Variants in PDE4D observed in about 807,000 individuals in gnomAD.
PDE4D encodes phosphodiesterase 4D, also known as 3',5'-cyclic-AMP phosphodiesterase 4D.
PDE4D carries 24 observed loss-of-function variants against 87.4 expected under a neutral mutation model. The observed-to-expected ratio is 0.27, with a 90% CI of 0.20 to 0.39. The LOEUF is 0.39. Among genes scored for constraint, PDE4D ranks in the 10% least tolerant of loss-of-function variants. The pLI is 1.00. For synonymous variants in PDE4D, 384 were observed against 383.2 expected (o/e 1.00, Z -0.02); for missense variants, 714 against 1,041.0 (o/e 0.69, Z 4.32).
intron 2 of PDE4D, among the ~76,000 whole-genome samples, chr5:60,140,098 C>A (rs1582836497): frequency 6.6e-6 from 1 of 151,894 alleles, no homozygotes; most frequent in East Asian, 1.9e-4. Context: ...TGTTTTGGTC[C>A]TGTAATTAAG....
chr5:60,166,892 G>C (rs1166583067), intron 2 of PDE4D, among the ~76,000 whole-genome samples: 2 of 151,952 alleles, frequency 1.3e-5, no homozygotes, highest in Non-Finnish European at 2.9e-5. Flanking sequence ...TGATCTGTAA[G>C]GTTTCTGCTG....
intron 1 of PDE4D, among the ~76,000 whole-genome samples, chr5:59,759,163 A>G (rs1761657936): frequency 6.6e-6 from 1 of 152,204 alleles, no homozygotes; most frequent in Non-Finnish European, 1.5e-5. Flanking sequence ...AGAAAAAAAA[A>G]GTGCTGAAAC....
chr5:59,781,784 C>CAAAAAAAAAAAAAAAAAAAAAAA (rs58613622), intron 1 of PDE4D, among the ~76,000 whole-genome samples: 2 of 39,862 alleles, frequency 5.0e-5, no homozygotes, highest in Non-Finnish European at 9.2e-5. Flanking sequence ...CACTCCATCT[C>CAAAAAAAAAAAAAAAAAAAAAAA]AAAAAAAAAA....
intron 1 of PDE4D, among the ~76,000 whole-genome samples, chr5:59,610,278 G>A (rs1287760300): frequency 6.6e-6 from 1 of 152,202 alleles, no homozygotes; most frequent in African/African-American, 2.4e-5. Flanking sequence ...GAGAATATGA[G>A]CATAGAGCTA....
chr5:60,036,537 C>T lies in PDE4D; in HGVS notation c.43-47820G>A, dbSNP rs116288074. Reference sequence around the variant, plus strand: ...TTATTCAACTTTCTCTGCAAACTCCCGTGAATATATCCAAGAAGGCACATA... The same window carrying T: ...TTATTCAACTTTCTCTGCAAACTCCTGTGAATATATCCAAGAAGGCACATA... On this transcript the variant is annotated intron_variant, in intron 2 of 16. Transcript: ENST00000502484. 1.4e-4 allele frequency among the ~76,000 whole-genome samples: 21 copies of T among 152,254 alleles called. 1 individual carries two copies. Among genetic ancestry groups the T allele is most frequent in the African/African-American group, 4.6e-4 (19 of 41,556 alleles).
intron 1 of PDE4D, among the ~76,000 whole-genome samples, chr5:59,633,189 A>G (rs1001926958): frequency 6.6e-6 from 1 of 152,224 alleles, no homozygotes; most frequent in African/African-American, 2.4e-5. Flanking sequence ...GATTAGATAA[A>G]AAAAGAATGA....
At chr5:59,232,718 T>C (rs1222652660) in intron 1 of PDE4D, among the ~76,000 whole-genome samples, 1 of 152,088 alleles carries the variant, frequency 6.6e-6, no homozygotes. Context: ...AAGGGATACC[T>C]GAACCCCTAT....
chr5:60,322,551 T>C (rs1756406429), intron 1 of PDE4D, among the ~76,000 whole-genome samples: 1 of 152,162 alleles, frequency 6.6e-6, no homozygotes, highest in Non-Finnish European at 1.5e-5. Flanking sequence ...AATTCTCTTA[T>C]CTTTCTCATA....
At chr5:59,014,779 G>C (rs945063678) in intron 6 of PDE4D, among the ~76,000 whole-genome samples, 1 of 152,082 alleles carries the variant, frequency 6.6e-6, no homozygotes, top group Non-Finnish European at 1.5e-5. Flanking sequence ...CTACTTTAAA[G>C]TTCATATGGA....
At chr5:59,243,448 CTTTTTT>C (rs767287011) in intron 1 of PDE4D, among the ~76,000 whole-genome samples, 1 of 72,282 alleles carries the variant, frequency 1.4e-5, no homozygotes, top group African/African-American at 6.2e-5. Flanking sequence ...TTAAAATAAC[CTTTTTT>C]TTTTTTTTTT....
intron 2 of PDE4D, among the ~76,000 whole-genome samples, chr5:60,133,085 T>A (rs1779726193): frequency 6.6e-6 from 1 of 152,170 alleles, no homozygotes; most frequent in South Asian, 2.1e-4. Context: ...TAAAAAGGCA[T>A]CAAAGTCCAA....
At chr5:59,049,912 C>A (rs911945287) in intron 5 of PDE4D, among the ~76,000 whole-genome samples, 3 of 152,050 alleles carry the variant, frequency 2.0e-5, no homozygotes, top group African/African-American at 7.2e-5. Flanking sequence ...CTATGAGATA[C>A]CTAAGGGTTA....
Position 59,632,875 on chromosome 5 carries a change from A to G in PDE4D, c.455+260293T>C, listed in dbSNP as rs371793726. Reference sequence around the variant, plus strand: ...CGCCAGCAAGGGAACAAAACTGGACAGAAAATGAGTTAGATCAATTCACAG... The same window carrying G: ...CGCCAGCAAGGGAACAAAACTGGACGGAAAATGAGTTAGATCAATTCACAG... On this transcript the variant is annotated intron_variant, in intron 1 of 14. Transcript: ENST00000340635. 4.6e-5 allele frequency among the ~76,000 whole-genome samples: 7 copies of G among 152,226 alleles called. No homozygotes were observed. The East Asian group carries it at 1.3e-3, about 29-fold the overall frequency.
intron 1 of PDE4D, among the ~76,000 whole-genome samples, chr5:59,363,631 C>T (rs1164837660): frequency 2.6e-5 from 4 of 152,190 alleles, no homozygotes; most frequent in African/African-American, 9.7e-5. Context: ...TTATTATCAC[C>T]ACTTTATAGA....
At chr5:59,387,687 A>G (rs775919292) in intron 1 of PDE4D, among the ~76,000 whole-genome samples, 32 of 152,238 alleles carry the variant, frequency 2.1e-4, no homozygotes, top group Non-Finnish European at 3.8e-4. Flanking sequence ...AAGAATGTAT[A>G]TATTTATGAT....
At chr5:59,406,900 CATT>C (rs1791771024) in intron 1 of PDE4D, among the ~76,000 whole-genome samples, 1 of 152,114 alleles carries the variant, frequency 6.6e-6, no homozygotes, top group South Asian at 2.1e-4. Flanking sequence ...TAATCATCAT[CATT>C]ATTTTCATTT....
rs1401777375 is a variant in PDE4D, at chr5:59,084,989, A to G, written c.809-46018T>C. ...GTATATATAAACTTTCTGCAGGGCA[A>G]TATGACAATAATAGCAAAAATAAAT... On this transcript the variant is annotated intron_variant, in intron 5 of 14. Coordinates refer to ENST00000340635, the MANE Select transcript of PDE4D (RefSeq NM_001104631.2). Among the ~76,000 whole-genome samples, 3 of 152,296 alleles carry G rather than the reference A, an allele frequency of 2.0e-5. No homozygotes were observed. In the East Asian group the frequency reaches 5.8e-4, roughly 29 times the overall value.
At chr5:59,579,350 T>C (rs1019496137) in intron 1 of PDE4D, among the ~76,000 whole-genome samples, 3 of 152,170 alleles carry the variant, frequency 2.0e-5, no homozygotes, top group Non-Finnish European at 4.4e-5. Flanking sequence ...CCTGTTCCAA[T>C]ATAATTCACT....
intron 1 of PDE4D, among the ~76,000 whole-genome samples, chr5:60,292,824 T>A (rs1003336000): frequency 6.6e-6 from 1 of 152,140 alleles, no homozygotes; most frequent in Non-Finnish European, 1.5e-5. Context: ...AAACAAAAAC[T>A]TCAATTACTC....
Sources: allele counts gnomAD v4.1 joint callset (sites outside exome capture counted in the v4.1 genomes callset), GRCh38; gene constraint gnomAD v4.1.1; transcripts MANE v1.5; gene names NCBI Gene and HGNC (gene_info 2026-07-23, HGNC 2026-07-21).